Variants in WDR27 observed in about 807,000 individuals in gnomAD.
The protein encoded by WDR27 is WD repeat domain 27.
A neutral mutation model predicts 114.4 loss-of-function variants in WDR27; 100 were observed. That is an observed-to-expected ratio of 0.87 (90% CI 0.74 to 1.03). WDR27 has a LOEUF of 1.03. Ranked by LOEUF, WDR27 falls within the 50% of genes least tolerant of loss-of-function variation. The probability of loss-of-function intolerance (pLI) is 0.00; values close to 1 mark genes in which losing one functional copy is unlikely to be tolerated. For missense variants in WDR27, 1,129 were observed against 1,092.9 expected, an observed-to-expected ratio of 1.03 and a Z score of -0.47; for synonymous variants, 449 against 423.1, an observed-to-expected ratio of 1.06 and a Z score of -0.75.
chr6:169,512,860 C>T (rs115391581), intron 25 of WDR27, among the ~76,000 whole-genome samples: 15 of 152,080 alleles, frequency 9.9e-5, no homozygotes, highest in African/African-American at 3.6e-4. Context: ...AAAAGAAAAT[C>T]TGTGAAGATA....
intron 25 of WDR27, among the ~76,000 whole-genome samples, chr6:169,491,633 T>C (rs1789771972): frequency 6.6e-6 from 1 of 152,168 alleles, no homozygotes; most frequent in Non-Finnish European, 1.5e-5. Context: ...GGTGCAGAAT[T>C]AAGCAGGAAG....
intron 25 of WDR27, among the ~76,000 whole-genome samples, chr6:169,467,547 T>C (rs1785754442): frequency 6.6e-6 from 1 of 152,226 alleles, no homozygotes. Context: ...GGCTTGGGGT[T>C]TCCACCCTCT....
intron 3 of WDR27, chr6:169,672,006 C>T (rs1778861132): frequency 3.0e-6 from 1 of 338,192 alleles, no homozygotes; most frequent in Admixed American, 4.6e-5. Flanking sequence ...AAGATCAAAA[C>T]CAATGAGCCT....
intron 25 of WDR27, among the ~76,000 whole-genome samples, chr6:169,458,566 G>A (rs1784557248): frequency 6.6e-6 from 1 of 152,158 alleles, no homozygotes; most frequent in African/African-American, 2.4e-5. Flanking sequence ...CAAGGTGGGT[G>A]GATCACTTGA....
chr6:169,690,024 G>A (rs1784065312), intron 1 of WDR27, among the ~76,000 whole-genome samples: 1 of 151,676 alleles, frequency 6.6e-6, no homozygotes, highest in Non-Finnish European at 1.5e-5. Context: ...TGAATTCAGA[G>A]GATCCACCCA....
intron 25 of WDR27, among the ~76,000 whole-genome samples, chr6:169,496,762 C>T (rs1028124131): frequency 2.0e-5 from 3 of 152,034 alleles, no homozygotes; most frequent in East Asian, 1.9e-4. Context: ...ACAATGAAAA[C>T]TACAAAACAT....
chr6:169,613,376 G>A (rs1033478197), intron 22 of WDR27, among the ~76,000 whole-genome samples, 183 bp downstream of exon 22: 1 of 152,210 alleles, frequency 6.6e-6, no homozygotes, highest in Admixed American at 6.5e-5. Context: ...ATAGCAGAGA[G>A]ACCAGTACCT....
At chr6:169,618,259 T>G (rs1812322600) in intron 21 of WDR27, among the ~76,000 whole-genome samples, 1 of 152,236 alleles carries the variant, frequency 6.6e-6, no homozygotes, top group East Asian at 1.9e-4. Context: ...TACACATTGT[T>G]TTTAATTAAA....
chr6:169,679,862 C>T (rs1178902701), intron 2 of WDR27, among the ~76,000 whole-genome samples: 1 of 152,060 alleles, frequency 6.6e-6, no homozygotes, highest in Admixed American at 6.5e-5. Context: ...AAAAATACAC[C>T]AAAACATAGC....
At chr6:169,637,177 C>T (rs1345042866) in intron 18 of WDR27, among the ~76,000 whole-genome samples, 1 of 152,170 alleles carries the variant, frequency 6.6e-6, no homozygotes, top group Non-Finnish European at 1.5e-5. Flanking sequence ...CTATCATCTT[C>T]CTGTCTCTCC....
At position 169,627,091 on chromosome 6, in the gene WDR27, G is replaced by A. The variant is rs1026532219; in HGVS notation, c.2223+5856C>T. Among the ~76,000 whole-genome samples the A allele has an allele frequency of 3.3e-5, 5 of 152,298 alleles. No homozygotes were observed. In the East Asian group the frequency reaches 5.8e-4, roughly 18 times the overall value. The stretch of plus-strand genomic sequence containing the variant: ...TCCAGCGCCGCTGTAATTTGTCAGG[G>A]TCCTCCTCCATGATTTCCTCGATAA... On this transcript the variant is annotated intron_variant, in intron 21 of 25. Transcript: ENST00000448612.
At chr6:169,520,678 C>A (rs556537771) in intron 25 of WDR27, among the ~76,000 whole-genome samples, 9 of 151,622 alleles carry the variant, frequency 5.9e-5, no homozygotes, top group Non-Finnish European at 1.3e-4. Flanking sequence ...AGAAATTTAT[C>A]AGAAAAAATT....
intron 1 of WDR27, among the ~76,000 whole-genome samples, chr6:169,697,914 T>C (rs147744075): frequency 0.018 from 2,767 of 152,292 alleles, 80 homozygotes; most frequent in African/African-American, 0.064. Context: ...GTCTTGTGTC[T>C]TTATTTCTAC....
chr6:169,658,493 G>T lies in WDR27; in HGVS notation c.1320-135C>A, dbSNP rs893294416. ...TGTGGACATAACAGTATCTGAAAAT[G>T]AAAACTGTCAAGTGTATTCTTATCC... On this transcript the variant is annotated intron_variant, in intron 12 of 25. Coordinates refer to ENST00000448612, the MANE Select transcript of WDR27 (RefSeq NM_182552.5). The T allele has an allele frequency of 1.6e-4, 104 of 667,804 alleles. 1 individual carries two copies. In the Admixed American group the frequency reaches 2.3e-3, roughly 15 times the overall value. 41.4% of individuals were successfully genotyped at this position (667,804 alleles called of 1,614,324 possible). A position where few individuals can be genotyped will look rare whatever the true frequency, so the allele number is the denominator to read the frequency against.
At chr6:169,534,972 CAA>C (rs34844549) in intron 25 of WDR27, among the ~76,000 whole-genome samples, 4 of 147,450 alleles carry the variant, frequency 2.7e-5, no homozygotes, top group East Asian at 2.0e-4. Context: ...TATAATTTTA[CAA>C]AAAAAAAAAC....
chr6:169,672,506 T>C (rs1226284496), intron 2 of WDR27, 110 bp from the exon 3 acceptor site: 4 of 1,084,004 alleles, frequency 3.7e-6, no homozygotes, highest in Non-Finnish European at 5.1e-6. Context: ...TCAAATACAT[T>C]TATCTTACAT....
At chr6:169,602,626 TAAC>T (rs1274737649) in intron 22 of WDR27, among the ~76,000 whole-genome samples, 2 of 152,196 alleles carry the variant, frequency 1.3e-5, no homozygotes, top group South Asian at 2.1e-4. Context: ...AAAACAAACT[TAAC>T]AAATCTTCTA....
At chr6:169,619,537 A>T (rs1812643183) in intron 21 of WDR27, among the ~76,000 whole-genome samples, 1 of 152,234 alleles carries the variant, frequency 6.6e-6, no homozygotes, top group African/African-American at 2.4e-5. Flanking sequence ...CGCATGAGAC[A>T]TCAATCAAAG....
chr6:169,700,695 T>G (rs1323860394), intron 1 of WDR27, among the ~76,000 whole-genome samples: 1 of 152,244 alleles, frequency 6.6e-6, no homozygotes, highest in Non-Finnish European at 1.5e-5. Flanking sequence ...AACATGCAAC[T>G]GTTCTATTGG....
Sources: gnomAD v4.1 joint callset for allele counts (sites outside exome capture counted in the v4.1 genomes callset) on GRCh38, gnomAD v4.1.1 for gene constraint, MANE v1.5 for transcripts, NCBI Gene and HGNC (gene_info 2026-07-23, HGNC 2026-07-21) for gene names.